UBXN4: variants seen among roughly 807,000 people sequenced by gnomAD.
UBXN4 encodes UBX domain-containing protein 4.
A neutral mutation model predicts 66.2 loss-of-function variants in UBXN4; 35 were observed. The observed-to-expected ratio is 0.53, with a 90% CI of 0.40 to 0.70. UBXN4 has a LOEUF of 0.70. UBXN4 is among the 30% of genes least tolerant of loss of function. UBXN4 has a pLI of 0.00. For synonymous variants in UBXN4, 203 were observed against 204.5 expected (o/e 0.99, Z 0.06); for missense variants, 533 against 599.8 (o/e 0.89, Z 1.16).
chr2:135,773,698 ATGGTTAAT>A (rs2077396892), intron 9 of UBXN4, among the ~76,000 whole-genome samples: 1 of 152,256 alleles, frequency 6.6e-6, no homozygotes, highest in South Asian at 2.1e-4. Context: ...TAATTGGATT[ATGGTTAAT>A]ACTTATTGTC....
chr2:135,743,877 T>C (rs1575311792), intron 1 of UBXN4, among the ~76,000 whole-genome samples: 1 of 148,034 alleles, frequency 6.8e-6, no homozygotes, highest in East Asian at 2.0e-4. Flanking sequence ...ATATATATAC[T>C]TTCTTCAATT....
chr2:135,783,859 C>G lies in UBXN4; in HGVS notation c.*972C>G, dbSNP rs1178274909. The G allele has an allele frequency of 6.6e-6, 1 of 152,176 alleles. No homozygotes were observed. The highest frequency in any genetic ancestry group is 1.5e-5 in the Non-Finnish European group (1 of 68,026). 9.4% of individuals were successfully genotyped at this position (152,176 alleles called of 1,614,324 possible). A position where few individuals can be genotyped will look rare whatever the true frequency, so the allele number is the denominator to read the frequency against. ...GATTCTTAATCTGACTTACATGTTACTTTATCCGTATGTCTTTGTTAGTGG... is the reference window on the plus strand; with the variant it reads ...GATTCTTAATCTGACTTACATGTTAGTTTATCCGTATGTCTTTGTTAGTGG... On this transcript the variant is annotated 3_prime_UTR_variant, in exon 13 of 13. Coordinates refer to ENST00000272638, the MANE Select transcript of UBXN4 (RefSeq NM_014607.4).
intron 11 of UBXN4, 88 bp downstream of exon 11, chr2:135,779,167 G>T: frequency 1.5e-6 from 2 of 1,357,692 alleles, no homozygotes; most frequent in Non-Finnish European, 1.9e-6. Context: ...GAAAGGAAGT[G>T]CACAGATATA....
intron 1 of UBXN4, among the ~76,000 whole-genome samples, chr2:135,746,813 A>G (rs1441477547): frequency 6.6e-6 from 1 of 152,164 alleles, no homozygotes; most frequent in Non-Finnish European, 1.5e-5. Flanking sequence ...GCGCCCTGTA[A>G]GGACTTTGGC....
intron 12 of UBXN4, among the ~76,000 whole-genome samples, chr2:135,781,957 T>G (rs2067234576): frequency 6.6e-6 from 1 of 152,136 alleles, no homozygotes; most frequent in African/African-American, 2.4e-5. Flanking sequence ...GCCTATAGTT[T>G]CAGCTGCCTG....
chr2:135,766,170 C>T (rs1575320163), intron 6 of UBXN4, among the ~76,000 whole-genome samples: 1 of 150,704 alleles, frequency 6.6e-6, no homozygotes. Context: ...AAAAAAAAGT[C>T]GAAGCCCAAA....
chr2:135,766,121 C>G (rs1300518334), intron 6 of UBXN4, among the ~76,000 whole-genome samples: 1 of 151,582 alleles, frequency 6.6e-6, no homozygotes. Context: ...CCATTGCACT[C>G]CAGCGTGGGC....
chr2:135,757,358 T>C (rs1176495218), intron 5 of UBXN4, among the ~76,000 whole-genome samples: 1 of 152,244 alleles, frequency 6.6e-6, no homozygotes, highest in Non-Finnish European at 1.5e-5. Context: ...TCTCTCTTAT[T>C]ATAACTTTTT....
chr2:135,752,840 C>G (rs1017297973), intron 2 of UBXN4, among the ~76,000 whole-genome samples: 1 of 151,756 alleles, frequency 6.6e-6, no homozygotes, highest in Non-Finnish European at 1.5e-5. Flanking sequence ...CTTGCCTCAG[C>G]CTCCTGAGTA....
chr2:135,780,093 CT>C, intron 11 of UBXN4, 89 bp from the exon 12 acceptor site: 1 of 1,314,180 alleles, frequency 7.6e-7, no homozygotes, highest in Non-Finnish European at 1.1e-6. Context: ...GTAGGACCTC[CT>C]TTTCCAGATA....
chr2:135,751,160 G>C (rs995518500), intron 2 of UBXN4, among the ~76,000 whole-genome samples: 38 of 143,682 alleles, frequency 2.6e-4, no homozygotes, highest in Middle Eastern at 3.9e-3. Flanking sequence ...GCCGTGTCTG[G>C]CATTTTTAAA....
In UBXN4 at chr2:135,755,624, TCA is replaced by T. The variant is rs1385092358; in HGVS notation, c.442_443del (p.Gln148ValfsTer8). On this transcript the variant is annotated frameshift_variant, in exon 5 of 13. Coordinates refer to ENST00000272638, the MANE Select transcript of UBXN4 (RefSeq NM_014607.4). LOFTEE classifies it high-confidence loss of function. ...AACCTAACAACACTTGTGAAAACTC[TCA>T]GTCCAGAAATGCAGAGCTTTGTGAG... ...FEPNNTCENS[Q>X]SRNAELCEIP... 6.2e-7 allele frequency: 1 copy of T among 1,609,062 alleles called. No homozygotes were observed. The highest frequency in any genetic ancestry group is 8.5e-7 in the Non-Finnish European group (1 of 1,177,506).
At chr2:135,771,832 G>A (rs1305923016) in intron 8 of UBXN4, among the ~76,000 whole-genome samples, 1 of 152,124 alleles carries the variant, frequency 6.6e-6, no homozygotes, top group Non-Finnish European at 1.5e-5. Flanking sequence ...CAAAGTGCTG[G>A]GACTACAGGC....
At position 135,782,735 on chromosome 2, in the gene UBXN4, CTT is replaced by C; in HGVS notation, c.1389-10_1389-9del. The C allele has an allele frequency of 6.2e-7, 1 of 1,609,768 alleles. No homozygotes were observed. Among genetic ancestry groups the C allele is most frequent in the Non-Finnish European group, 8.5e-7 (1 of 1,178,762 alleles). The stretch of plus-strand genomic sequence containing the variant: ...TTATGACATCTTCCCCTTGCTCCCT[CTT>C]TTTCGTATCAGGGAACCAGTGAGAA... On this transcript the variant is annotated splice_polypyrimidine_tract_variant and intron_variant, in intron 12 of 12. Transcript: ENST00000272638.
At position 135,783,079 on chromosome 2, in the gene UBXN4, G is replaced by A; in HGVS notation, c.*192G>A. On this transcript the variant is annotated 3_prime_UTR_variant, in exon 13 of 13. Coordinates refer to ENST00000272638, the MANE Select transcript of UBXN4 (RefSeq NM_014607.4). ...AAAGACAGGAAATAACTCTCTGCTAGGTCCTTGCTTATATGGCAACCACTG... is the reference window on the plus strand; with the variant it reads ...AAAGACAGGAAATAACTCTCTGCTAAGTCCTTGCTTATATGGCAACCACTG... The A allele has an allele frequency of 1.8e-6, 1 of 540,828 alleles. No homozygotes were observed. The highest frequency in any genetic ancestry group is 3.1e-6 in the Non-Finnish European group (1 of 326,898). 33.5% of individuals were successfully genotyped at this position (540,828 alleles called of 1,614,324 possible). A position where few individuals can be genotyped will look rare whatever the true frequency, so the allele number is the denominator to read the frequency against.
At chr2:135,751,135 G>A (rs1422189835) in intron 2 of UBXN4, among the ~76,000 whole-genome samples, 1 of 149,968 alleles carries the variant, frequency 6.7e-6, no homozygotes, top group Non-Finnish European at 1.5e-5. Flanking sequence ...TTACAGGTAT[G>A]AGCCACTGTG....
intron 5 of UBXN4, among the ~76,000 whole-genome samples, chr2:135,757,533 T>G (rs948309632): frequency 6.6e-6 from 1 of 152,226 alleles, no homozygotes; most frequent in Non-Finnish European, 1.5e-5. Context: ...ATCTAGCTCA[T>G]CTGAGGATTG....
chr2:135,753,933 TAGA>T (rs2077262862), intron 3 of UBXN4: 2 of 475,708 alleles, frequency 4.2e-6, no homozygotes, highest in Non-Finnish European at 3.7e-6. Context: ...GAAGTTATGA[TAGA>T]GGAGAATGTA....
chr2:135,751,022 ATT>A (rs34978778), intron 2 of UBXN4, among the ~76,000 whole-genome samples: 5 of 125,766 alleles, frequency 4.0e-5, no homozygotes, highest in East Asian at 2.3e-4. Flanking sequence ...TGCCCGGCTA[ATT>A]TTTTTTTTTT....
Sources: gnomAD v4.1 joint callset for allele counts (sites outside exome capture counted in the v4.1 genomes callset) on GRCh38, gnomAD v4.1.1 for gene constraint, MANE v1.5 for transcripts, NCBI Gene and HGNC (gene_info 2026-07-23, HGNC 2026-07-21) for gene names.